Variants in DOCK10 observed in about 807,000 individuals in gnomAD.
The protein encoded by DOCK10 is dedicator of cytokinesis 10.
Under a neutral mutation model 280.1 loss-of-function variants are expected in DOCK10, and 145 were observed. The observed-to-expected ratio is 0.52, with a 90% CI of 0.45 to 0.59. The LOEUF (loss-of-function observed/expected upper bound fraction) is 0.59. DOCK10 is among the 20% of genes least tolerant of loss of function. The probability of loss-of-function intolerance (pLI) is 0.00; values close to 1 mark genes in which losing one functional copy is unlikely to be tolerated. For synonymous variants in DOCK10, 915 were observed against 942.2 expected, an observed-to-expected ratio of 0.97 and a Z score of 0.53; for missense variants, 2,368 against 2,651.7, an observed-to-expected ratio of 0.89 and a Z score of 2.35.
intron 47 of DOCK10, among the ~76,000 whole-genome samples, chr2:224,790,022 C>A (rs1053587841): frequency 6.6e-6 from 1 of 152,164 alleles, no homozygotes; most frequent in African/African-American, 2.4e-5. Context: ...CTCAGGTGAT[C>A]TGCCCGCCTC....
At chr2:224,987,264 T>C (rs2126264685) in intron 1 of DOCK10, among the ~76,000 whole-genome samples, 1 of 152,336 alleles carries the variant, frequency 6.6e-6, no homozygotes, top group East Asian at 1.9e-4. Flanking sequence ...TTTGATCACA[T>C]TGATTAATAA....
intron 18 of DOCK10, among the ~76,000 whole-genome samples, chr2:224,851,557 A>T (rs1696744034): frequency 6.6e-6 from 1 of 151,842 alleles, no homozygotes; most frequent in Non-Finnish European, 1.5e-5. Context: ...ATAATGCTAC[A>T]AATTAGAGGA....
intron 25 of DOCK10, among the ~76,000 whole-genome samples, chr2:224,836,881 G>C (rs1185003283): frequency 6.7e-6 from 1 of 150,304 alleles, no homozygotes; most frequent in African/African-American, 2.5e-5. Context: ...TTACAGGCGT[G>C]AGCCACCACG....
At chr2:224,998,591 A>G (rs1279096404) in intron 1 of DOCK10, among the ~76,000 whole-genome samples, 1 of 152,050 alleles carries the variant, frequency 6.6e-6, no homozygotes, top group African/African-American at 2.4e-5. Context: ...CTATATATAA[A>G]ATAACTCCCC....
intron 44 of DOCK10, among the ~76,000 whole-genome samples, chr2:224,796,028 T>A (rs963653480): frequency 7.6e-5 from 10 of 130,814 alleles, no homozygotes; most frequent in Non-Finnish European, 1.6e-4. Flanking sequence ...GCTCAAAGTC[T>A]CAATAAACAA....
intron 16 of DOCK10, among the ~76,000 whole-genome samples, chr2:224,853,356 C>T (rs746578384): frequency 6.6e-5 from 10 of 152,240 alleles, no homozygotes; most frequent in East Asian, 1.9e-4. Context: ...ATCTTTTAGA[C>T]GGATTTATAA....
At chr2:224,877,147 A>T (rs16866264) in intron 7 of DOCK10, among the ~76,000 whole-genome samples, 1,894 of 152,270 alleles carry the variant, frequency 0.012, 48 homozygotes, top group African/African-American at 0.043. Flanking sequence ...ATGTACTTAT[A>T]TGATTTGTAT....
At chr2:224,920,149 A>T (rs13393372) in intron 2 of DOCK10, among the ~76,000 whole-genome samples, 35,093 of 151,974 alleles carry the variant, frequency 0.23, 4,535 homozygotes, top group Non-Finnish European at 0.28. Flanking sequence ...CACAGCTCAC[A>T]GCAGCCTCGA....
chr2:224,905,221 G>T (rs977125718), intron 3 of DOCK10, among the ~76,000 whole-genome samples: 12 of 151,486 alleles, frequency 7.9e-5, no homozygotes, highest in African/African-American at 2.9e-4. Context: ...ATCAATAAAC[G>T]GCCTATGGAA....
intron 32 of DOCK10, 48 bp downstream of exon 32, chr2:224,807,863 T>G: frequency 6.3e-7 from 1 of 1,578,870 alleles, no homozygotes; most frequent in African/African-American, 1.3e-5. Context: ...TTTAATGCAG[T>G]GAGCCATTAA....
chr2:224,951,650 A>T (rs1044240089), intron 1 of DOCK10, among the ~76,000 whole-genome samples: 2 of 152,056 alleles, frequency 1.3e-5, no homozygotes, highest in Non-Finnish European at 2.9e-5. Context: ...GCTTACATCA[A>T]CCTCCATTTA....
chr2:225,035,573 T>TG (rs1553634922), intron 1 of DOCK10, among the ~76,000 whole-genome samples: 9 of 44,146 alleles, frequency 2.0e-4, no homozygotes, highest in African/African-American at 3.8e-4. Flanking sequence ...TATATATATA[T>TG]ATATATATAT....
At chr2:224,915,965 C>A (rs759792957) in intron 3 of DOCK10, among the ~76,000 whole-genome samples, 2 of 152,250 alleles carry the variant, frequency 1.3e-5, no homozygotes, top group Non-Finnish European at 2.9e-5. Context: ...CCACCCAAAT[C>A]TCATGATGAA....
intron 4 of DOCK10, among the ~76,000 whole-genome samples, chr2:224,887,628 G>A (rs932263285): frequency 6.6e-6 from 1 of 152,068 alleles, no homozygotes; most frequent in South Asian, 2.1e-4. Flanking sequence ...AAACTCCCAT[G>A]TATAAAAATT....
intron 25 of DOCK10, among the ~76,000 whole-genome samples, chr2:224,837,164 A>G (rs1341247831): frequency 1.3e-5 from 2 of 152,220 alleles, no homozygotes; most frequent in Non-Finnish European, 2.9e-5. Context: ...CATCATCACA[A>G]GTTCACTGGC....
intron 1 of DOCK10, among the ~76,000 whole-genome samples, chr2:224,936,447 A>C (rs1337545001): frequency 2.0e-5 from 3 of 152,176 alleles, no homozygotes; most frequent in African/African-American, 7.2e-5. Flanking sequence ...GTTTGAGCCC[A>C]GAATACCCAT....
At chr2:224,890,275 G>A (rs912637778) in intron 4 of DOCK10, among the ~76,000 whole-genome samples, 4 of 152,314 alleles carry the variant, frequency 2.6e-5, no homozygotes, top group Admixed American at 2.0e-4. Flanking sequence ...CAGGCCAGGC[G>A]TCGCATTAAT....
Position 224,854,957 on chromosome 2 carries a change from T to C in DOCK10, c.1888+6A>G, listed in dbSNP as rs1697009178. The C allele has an allele frequency of 6.2e-6, 10 of 1,600,244 alleles. No homozygotes were observed. Among genetic ancestry groups the C allele is most frequent in the East Asian group, 2.2e-5 (1 of 44,644 alleles). ...CTGCAACCAAACCATGACATCATCA[T>C]CATACTTGGATGCTCCAAGGGAACG... On this transcript the variant is annotated splice_donor_region_variant and intron_variant, in intron 16 of 55. Coordinates refer to ENST00000258390, the MANE Select transcript of DOCK10 (RefSeq NM_014689.3).
chr2:224,883,443 G>A (rs1699091938), intron 7 of DOCK10, among the ~76,000 whole-genome samples: 1 of 152,134 alleles, frequency 6.6e-6, no homozygotes, highest in Non-Finnish European at 1.5e-5. Flanking sequence ...AGGTTTTCTA[G>A]GAAGACTTTC....
Sources: allele counts gnomAD v4.1 joint callset (sites outside exome capture counted in the v4.1 genomes callset), GRCh38; gene constraint gnomAD v4.1.1; transcripts MANE v1.5; gene names NCBI Gene and HGNC (gene_info 2026-07-23, HGNC 2026-07-21).